Variants in ACBD5 observed in about 807,000 individuals in gnomAD.
ACBD5 encodes acyl-CoA-binding domain-containing protein 5.
Under a neutral mutation model 71.8 loss-of-function variants are expected in ACBD5, and 40 were observed. That is an observed-to-expected ratio of 0.56 (90% CI 0.43 to 0.72). The LOEUF is 0.72. ACBD5 is among the 30% of genes least tolerant of loss of function. The pLI is 0.00. For synonymous variants in ACBD5, 229 were observed against 218.6 expected, an observed-to-expected ratio of 1.05 and a Z score of -0.42; for missense variants, 559 against 644.5, an observed-to-expected ratio of 0.87 and a Z score of 1.44.
chr10:27,223,125 T>C (rs1194263332), intron 5 of ACBD5: 24 of 703,274 alleles, frequency 3.4e-5, no homozygotes, highest in Non-Finnish European at 4.7e-5. Flanking sequence ...GGTGACAAGA[T>C]TGTAAGTTCT....
intron 3 of ACBD5, among the ~76,000 whole-genome samples, chr10:27,232,529 T>C (rs375787290): frequency 1.3e-4 from 20 of 152,176 alleles, no homozygotes; most frequent in African/African-American, 4.8e-4. Flanking sequence ...AGTTTCACCA[T>C]GTTGGCCAGG....
rs1258435246 is a variant in ACBD5 at position 27,218,090 on chromosome 10, T to C, written c.719A>G (p.Gln240Arg). ...YDKDGFVQDI[Q>R]NDIHASSSLN... ...GGAAGAACTGGCATGAATGTCATTC[T>C]GTATATCCTGAACAAAGCCATCTTT... Residue 240 changes from glutamine to arginine, a missense_variant, in exon 7 of 13, where the codon CAG becomes CGG. Coordinates refer to ENST00000396271, the MANE Select transcript of ACBD5 (RefSeq NM_145698.5). The C allele has an allele frequency of 5.6e-6, 9 of 1,614,046 alleles. No homozygotes were observed. The highest frequency in any genetic ancestry group is 1.3e-5 in the African/African-American group (1 of 74,948).
At position 27,204,506 on chromosome 10, in the gene ACBD5, G is replaced by A. The variant is rs200146409; in HGVS notation, c.1499C>T (p.Thr500Met). 3.8e-5 allele frequency: 61 copies of A among 1,613,900 alleles called. No homozygotes were observed. Among genetic ancestry groups the A allele is most frequent in the Middle Eastern group, 1.6e-4 (1 of 6,084 alleles). The stretch of plus-strand genomic sequence containing the variant: ...AATAAAAGGCCATATGATGGCAAAC[G>A]TTAGCACACCAGGAGACATCTCGAA... Reference protein sequence around the residue: ...WPFEMSPGVLTFAIIWPFIAQ... With the variant: ...WPFEMSPGVLMFAIIWPFIAQ... Residue 500 changes from threonine (T) to methionine (M), a missense_variant, in exon 12 of 13, where the codon ACG (threonine) becomes ATG (methionine). Thr to Met is a moderately conservative substitution (Grantham distance 81). Transcript: ENST00000396271.
upstream of ACBD5, chr10:27,242,092 G>C (rs765128781): frequency 6.6e-6 from 3 of 451,362 alleles, no homozygotes; most frequent in Admixed American, 4.7e-5. Flanking sequence ...GTCCGGTAAT[G>C]TCCCCGACGC....
chr10:27,199,560 C>T (rs1327915710), intron 12 of ACBD5, among the ~76,000 whole-genome samples: 2 of 152,130 alleles, frequency 1.3e-5, no homozygotes, highest in African/African-American at 2.4e-5. Context: ...TTCCCTTCGC[C>T]GCGGTGAATG....
At chr10:27,226,864 G>A (rs1364933409) in intron 4 of ACBD5, among the ~76,000 whole-genome samples, 1 of 151,790 alleles carries the variant, frequency 6.6e-6, no homozygotes, top group African/African-American at 2.4e-5. Context: ...ATGTTACCCA[G>A]GCTGGTGTGG....
At chr10:27,185,636 AAATT>A (rs922380629) in intron 13 of ACBD5, among the ~76,000 whole-genome samples, 1 of 150,882 alleles carries the variant, frequency 6.6e-6, no homozygotes, top group African/African-American at 2.4e-5. Context: ...AAAAAAAAAA[AAATT>A]AGCCAGGCAT....
chr10:27,193,138 T>C (rs1796411273), downstream of ACBD5, among the ~76,000 whole-genome samples: 3 of 122,000 alleles, frequency 2.5e-5, no homozygotes, highest in Non-Finnish European at 5.2e-5. Flanking sequence ...TGTGTGTGTG[T>C]GTGTGTGTGT....
chr10:27,195,509 T>G lies in ACBD5; in HGVS notation c.*1921A>C, dbSNP rs1282365742. The G allele has an allele frequency of 6.6e-6, 3 of 453,696 alleles. No individual in the cohort carries two copies. The highest frequency in any genetic ancestry group is 2.4e-5 in the Admixed American group (1 of 42,516). 28.1% of individuals were successfully genotyped at this position (453,696 alleles called of 1,614,324 possible). A position where few individuals can be genotyped will look rare whatever the true frequency, so the allele number is the denominator to read the frequency against. ...CTTACACTCTTAATTTGCATTTTAT[T>G]TATTTATATACTAAGAGAAAAGACA... is the stretch of plus-strand genomic sequence containing the variant. On this transcript the variant is annotated 3_prime_UTR_variant, in exon 13 of 13. Coordinates refer to ENST00000396271, the MANE Select transcript of ACBD5 (RefSeq NM_145698.5).
chr10:27,236,934 A>C (rs1211806179), intron 2 of ACBD5, among the ~76,000 whole-genome samples: 1 of 151,922 alleles, frequency 6.6e-6, no homozygotes, highest in East Asian at 1.9e-4. Context: ...CCACAGAGAT[A>C]AACTGAGAAC....
chr10:27,214,573 A>T (rs1426941346), intron 8 of ACBD5, among the ~76,000 whole-genome samples: 2 of 152,108 alleles, frequency 1.3e-5, no homozygotes. Flanking sequence ...AAATTAAAAT[A>T]CTGCTATCAT....
upstream of ACBD5, among the ~76,000 whole-genome samples, chr10:27,241,382 C>T (rs2770200): frequency 0.78 from 117,988 of 152,112 alleles, 46,013 homozygotes; most frequent in African/African-American, 0.86. Context: ...TGGAGGTGCT[C>T]AGCAGTCCCT....
rs942166171 is a variant in ACBD5 at position 27,240,608 on chromosome 10, T to C, written c.15+66A>G. 4.5e-6 allele frequency: 7 copies of C among 1,550,884 alleles called. No individual in the cohort carries two copies. The highest frequency in any genetic ancestry group is 8.7e-7 in the Non-Finnish European group (1 of 1,146,898). ...ACACAGATCGAAGCGGCCCGGCTCC[T>C]TCCTCCTCCCCCGGGGCGTGACTAA... is the stretch of plus-strand genomic sequence containing the variant. On this transcript the variant is annotated intron_variant, in intron 1 of 12. Transcript: ENST00000396271. This position sits in a 1 kb window ranked among gnomAD's most constrained non-coding sequence, Gnocchi z 4.1.
At chr10:27,240,881 C>G (rs1392552023), upstream of ACBD5, 1 of 802,420 alleles carries the variant, frequency 1.2e-6, no homozygotes, top group Non-Finnish European at 2.0e-6. This position sits in a 1 kb window ranked among gnomAD's most constrained non-coding sequence, Gnocchi z 4.1. Context: ...AGCAGTGCAG[C>G]AAACCCCACC....
In ACBD5 at chr10:27,210,963, C is replaced by T. The variant is rs1000467477; in HGVS notation, c.1055G>A (p.Gly352Asp). 6 of 1,614,128 alleles carry T rather than the reference C, an allele frequency of 3.7e-6. No individual in the cohort carries two copies. The highest frequency in any genetic ancestry group is 5.1e-6 in the Non-Finnish European group (6 of 1,180,028). ...AACCACCTGCATATTCCCAATGTTG[C>T]CATTTCCAGGAGGTACTTGAATATC... The part of the protein sequence containing the change: ...REDIQVPPGN[G>D]NIGNMQVVAV... The change falls in exon 9 of 13, where the codon GGC becomes GAC. Residue 352 changes from glycine (G) to aspartate (D), a missense_variant. Coordinates refer to ENST00000396271, the MANE Select transcript of ACBD5 (RefSeq NM_145698.5).
At chr10:27,186,629 GATC>G (rs1219513702) in intron 13 of ACBD5, 13 of 1,167,264 alleles carry the variant, frequency 1.1e-5, no homozygotes, top group Non-Finnish European at 1.5e-5. Context: ...AAGGGGGAAA[GATC>G]ATTATTTAAC....
intron 2 of ACBD5, among the ~76,000 whole-genome samples, chr10:27,238,930 G>A (rs1340202514): frequency 6.6e-6 from 1 of 152,208 alleles, no homozygotes; most frequent in South Asian, 2.1e-4. Context: ...GGGCGCGGTG[G>A]CTCATGCCTG....
At chr10:27,219,652 T>G in intron 6 of ACBD5, 71 bp downstream of exon 6, 1 of 1,586,994 alleles carries the variant, frequency 6.3e-7, no homozygotes, top group Non-Finnish European at 8.6e-7. Context: ...CAATACCAAA[T>G]CAGCCCAAAT....
intron 12 of ACBD5, among the ~76,000 whole-genome samples, chr10:27,199,157 G>A (rs1262738896): frequency 6.6e-6 from 1 of 151,256 alleles, no homozygotes; most frequent in Non-Finnish European, 1.5e-5. Context: ...ATTAAAAAGG[G>A]CAGAAAATTT....
Sources: allele counts gnomAD v4.1 joint callset (sites outside exome capture counted in the v4.1 genomes callset), GRCh38; gene constraint gnomAD v4.1.1; non-coding constraint Gnocchi (gnomAD v3.1); transcripts MANE v1.5; gene names NCBI Gene and HGNC (gene_info 2026-07-23, HGNC 2026-07-21).